PDE4D: variants seen among roughly 807,000 people sequenced by gnomAD.
The protein encoded by PDE4D is 3',5'-cyclic-AMP phosphodiesterase 4D.
Under a neutral mutation model 87.4 loss-of-function variants are expected in PDE4D, and 24 were observed. That is an observed-to-expected ratio of 0.27 (90% CI 0.20 to 0.39). The LOEUF (loss-of-function observed/expected upper bound fraction) is 0.39, where lower values mean the gene tolerates loss of function less well. Ranked by LOEUF, PDE4D falls within the 10% of genes least tolerant of loss-of-function variation. PDE4D has a pLI of 1.00. For missense variants in PDE4D, 714 were observed against 1,041.0 expected (o/e 0.69, Z 4.32); for synonymous variants, 384 against 383.2 (o/e 1.00, Z -0.02).
At chr5:59,821,580 T>A (rs1019132584) in intron 1 of PDE4D, among the ~76,000 whole-genome samples, 2 of 152,256 alleles carry the variant, frequency 1.3e-5, no homozygotes, top group Non-Finnish European at 2.9e-5. Context: ...AGTATAATCA[T>A]GTGTTTTAAA....
chr5:59,044,827 G>A (rs1445574021), intron 5 of PDE4D, among the ~76,000 whole-genome samples: 1 of 152,244 alleles, frequency 6.6e-6, no homozygotes, highest in East Asian at 1.9e-4. Flanking sequence ...TTTTGTGACG[G>A]TTTTCTTTTT....
chr5:58,978,932 CAAAT>C (rs1744463481), intron 11 of PDE4D, among the ~76,000 whole-genome samples: 1 of 151,866 alleles, frequency 6.6e-6, no homozygotes, highest in Non-Finnish European at 1.5e-5. Flanking sequence ...ACAGTGGAAT[CAAAT>C]AAACAAACAT....
At chr5:60,184,918 C>T (rs1220016600) in intron 2 of PDE4D, among the ~76,000 whole-genome samples, 1 of 152,146 alleles carries the variant, frequency 6.6e-6, no homozygotes, top group Non-Finnish European at 1.5e-5. Flanking sequence ...TGCTTTCATC[C>T]TTTCCTTGTG....
intron 5 of PDE4D, among the ~76,000 whole-genome samples, chr5:59,128,028 G>GTGTGTGTGTGTGTGTGTGTGTGTGTT (rs1775730111): frequency 9.5e-6 from 1 of 105,130 alleles, no homozygotes. Flanking sequence ...GTGTGTGTGT[G>GTGTGTGTGTGTGTGTGTGTGTGTGTT]TGTGTGTGTG....
At chr5:60,513,659 A>G (rs574022679) in intron 1 of PDE4D, among the ~76,000 whole-genome samples, 1 of 152,154 alleles carries the variant, frequency 6.6e-6, no homozygotes, top group Admixed American at 6.5e-5. Flanking sequence ...CTAGATATCA[A>G]TAACAAAAAG....
At position 59,568,496 on chromosome 5, in the gene PDE4D, A is replaced by C. The variant is rs141475422; in HGVS notation, c.455+324672T>G. Among the ~76,000 whole-genome samples, 27 of 152,252 alleles carry C rather than the reference A, an allele frequency of 1.8e-4. No homozygotes were observed. In the East Asian group the frequency reaches 5.2e-3, roughly 29 times the overall value. On this transcript the variant is annotated intron_variant, in intron 1 of 14. Coordinates refer to ENST00000340635, the MANE Select transcript of PDE4D (RefSeq NM_001104631.2). Reference sequence around the variant, plus strand: ...ACTTCCTTCCAAAGGGTAGGTATGAAAATAATAAAAATAAGGAAAAATAAT... The same window carrying C: ...ACTTCCTTCCAAAGGGTAGGTATGACAATAATAAAAATAAGGAAAAATAAT...
rs531130765 is a variant in PDE4D at position 59,552,052 on chromosome 5, CA to C, written c.456-336085del. ...GGAACACAGCAAGACCCCATCTCTA[CA>C]AAAAATTTTTGAAAAACTGTCCAGG... On this transcript the variant is annotated intron_variant, in intron 1 of 14. Coordinates refer to ENST00000340635, the MANE Select transcript of PDE4D (RefSeq NM_001104631.2). Among the ~76,000 whole-genome samples, 255 of 152,142 alleles carry C rather than the reference CA, an allele frequency of 1.7e-3. 2 individuals are homozygous for C. The highest frequency in any genetic ancestry group is 2.6e-3 in the Admixed American group (39 of 15,274).
intron 11 of PDE4D, among the ~76,000 whole-genome samples, chr5:58,986,184 C>T (rs1746381487): frequency 6.6e-6 from 1 of 152,222 alleles, no homozygotes; most frequent in African/African-American, 2.4e-5. Context: ...GTTATCCTTC[C>T]ATCCCAGGCA....
In PDE4D at chr5:60,078,611, C is replaced by T. The variant is rs142438590; in HGVS notation, c.43-89894G>A. Among the ~76,000 whole-genome samples the T allele has an allele frequency of 5.9e-3, 891 of 152,176 alleles. 7 individuals carry two copies. Among genetic ancestry groups the T allele is most frequent in the African/African-American group, 0.02 (829 of 41,496 alleles). ...GTCCATGTGTTCTCAATGTTCAACC[C>T]CCACTTATGGGTGAGAATAAGTGGT... On this transcript the variant is annotated intron_variant, in intron 2 of 16. Transcript: ENST00000502484.
At chr5:59,736,966 C>T (rs1245080868) in intron 1 of PDE4D, among the ~76,000 whole-genome samples, 3 of 152,000 alleles carry the variant, frequency 2.0e-5, no homozygotes, top group East Asian at 1.9e-4. Context: ...AGAAAATTAC[C>T]TGTTAACAAA....
intron 3 of PDE4D, among the ~76,000 whole-genome samples, chr5:59,968,750 T>C (rs1414337051): frequency 6.6e-6 from 1 of 152,164 alleles, no homozygotes; most frequent in East Asian, 1.9e-4. Flanking sequence ...TTTCTGATAC[T>C]GAGGAAATTG....
At chr5:60,031,345 C>A (rs182901043) in intron 2 of PDE4D, among the ~76,000 whole-genome samples, 6 of 152,284 alleles carry the variant, frequency 3.9e-5, no homozygotes, top group African/African-American at 1.4e-4. Flanking sequence ...ATGACAAAGG[C>A]TATTTGCTTT....
intron 1 of PDE4D, among the ~76,000 whole-genome samples, chr5:59,631,065 G>A (rs1831508359): frequency 6.6e-6 from 1 of 152,116 alleles, no homozygotes; most frequent in Admixed American, 6.5e-5. Flanking sequence ...TGTAAGGAAT[G>A]GCTCCTAGAA....
chr5:59,412,910 T>C (rs893686682), intron 1 of PDE4D, among the ~76,000 whole-genome samples: 11 of 152,200 alleles, frequency 7.2e-5, no homozygotes, highest in African/African-American at 2.7e-4. Context: ...CTGTTTTTCT[T>C]AGGCAGTTTT....
chr5:59,569,087 A>G (rs143722219), intron 1 of PDE4D, among the ~76,000 whole-genome samples: 46 of 152,328 alleles, frequency 3.0e-4, no homozygotes, highest in African/African-American at 1.1e-3. Flanking sequence ...CTAGAAATTT[A>G]AAGTAAACTC....
intron 3 of PDE4D, among the ~76,000 whole-genome samples, chr5:59,922,975 A>G (rs968881203): frequency 6.6e-6 from 1 of 152,044 alleles, no homozygotes; most frequent in Non-Finnish European, 1.5e-5. Flanking sequence ...AGGGTAGCCC[A>G]CTGCTCTGAA....
intron 5 of PDE4D, among the ~76,000 whole-genome samples, chr5:59,045,410 G>A (rs1760446478): frequency 6.6e-6 from 1 of 151,908 alleles, no homozygotes; most frequent in African/African-American, 2.4e-5. Context: ...AAAATTAGTC[G>A]GGCTTGGTGG....
chr5:59,984,912 C>T (rs887890054), intron 3 of PDE4D, among the ~76,000 whole-genome samples: 1 of 151,956 alleles, frequency 6.6e-6, no homozygotes, highest in Admixed American at 6.6e-5. Context: ...CCTTGACCAT[C>T]AAAGATTTGC....
chr5:59,136,442 G>A (rs1777092108), intron 5 of PDE4D, among the ~76,000 whole-genome samples: 1 of 152,188 alleles, frequency 6.6e-6, no homozygotes, highest in South Asian at 2.1e-4. Flanking sequence ...GATGCCTGCA[G>A]TGTTATTTGT....
Sources: gnomAD v4.1 joint callset for allele counts (sites outside exome capture counted in the v4.1 genomes callset) on GRCh38, gnomAD v4.1.1 for gene constraint, MANE v1.5 for transcripts, NCBI Gene and HGNC (gene_info 2026-07-23, HGNC 2026-07-21) for gene names.